ANKRD42: variants seen among roughly 807,000 people sequenced by gnomAD.
ANKRD42 encodes the protein ankyrin repeat domain-containing protein 42.
Under a neutral mutation model 51.5 loss-of-function variants are expected in ANKRD42, and 43 were observed. The observed-to-expected ratio is 0.83, with a 90% CI of 0.65 to 1.08. ANKRD42 has a LOEUF of 1.08. Among genes scored for constraint, ANKRD42 ranks in the 50% least tolerant of loss-of-function variants. The pLI, the probability that ANKRD42 is intolerant of heterozygous loss-of-function variation, is 0.00. For synonymous variants in ANKRD42, 203 were observed against 213.0 expected (o/e 0.95, Z 0.41); for missense variants, 608 against 629.3 (o/e 0.97, Z 0.36).
chr11:83,208,870 T>C (rs1411380644), intron 3 of ANKRD42, among the ~76,000 whole-genome samples: 1 of 152,114 alleles, frequency 6.6e-6, no homozygotes, highest in East Asian at 1.9e-4. Context: ...AGTCTCTAAC[T>C]CCTGGGCTCG....
At chr11:83,217,268 A>G (rs1036326417) in intron 5 of ANKRD42, among the ~76,000 whole-genome samples, 2 of 152,206 alleles carry the variant, frequency 1.3e-5, no homozygotes, top group Non-Finnish European at 2.9e-5. Flanking sequence ...TTAAATGTCT[A>G]ACAATATCTG....
At chr11:83,226,602 C>T (rs1277797922) in intron 6 of ANKRD42, among the ~76,000 whole-genome samples, 1 of 152,262 alleles carries the variant, frequency 6.6e-6, no homozygotes, top group South Asian at 2.1e-4. Flanking sequence ...GTAATCAAGG[C>T]AGTGTGTAGT....
At chr11:83,223,023 GGT>G (rs1319136561) in intron 5 of ANKRD42, among the ~76,000 whole-genome samples, 2 of 152,176 alleles carry the variant, frequency 1.3e-5, no homozygotes, top group East Asian at 3.9e-4. Context: ...GCCAAGGGCG[GGT>G]GCATTGCTTG....
At chr11:83,216,363 G>T (rs933727128) in intron 5 of ANKRD42, among the ~76,000 whole-genome samples, 2 of 147,484 alleles carry the variant, frequency 1.4e-5, no homozygotes, top group Non-Finnish European at 1.5e-5. Context: ...TCTCGCTGTC[G>T]CCCAGGCTGG....
intron 3 of ANKRD42, among the ~76,000 whole-genome samples, chr11:83,207,044 C>T (rs1862103657): frequency 6.6e-6 from 1 of 152,192 alleles, no homozygotes; most frequent in African/African-American, 2.4e-5. Context: ...CACAGTTCCA[C>T]ATGGCTGGGA....
chr11:83,242,734 G>A (rs1161491439), intron 9 of ANKRD42, among the ~76,000 whole-genome samples: 1 of 151,684 alleles, frequency 6.6e-6, no homozygotes. Context: ...GCCAGCTAAT[G>A]TTTGAATTTT....
In ANKRD42 at chr11:83,196,638, T is replaced by G. The variant is rs560154421; in HGVS notation, c.59-1841T>G. Among the ~76,000 whole-genome samples, 3 of 152,354 alleles carry G rather than the reference T, an allele frequency of 2.0e-5. No homozygotes were observed. The South Asian group carries it at 6.2e-4, about 32-fold the overall frequency. On this transcript the variant is annotated intron_variant, in intron 1 of 10. Transcript: ENST00000533342. ...TTCCTATGAATATTTCCATCGTTGC[T>G]TTTACCACATTATTTTGTATTTTGT...
intron 5 of ANKRD42, among the ~76,000 whole-genome samples, chr11:83,220,361 A>G (rs1031673886): frequency 2.6e-5 from 4 of 152,048 alleles, no homozygotes; most frequent in Non-Finnish European, 4.4e-5. Flanking sequence ...AATTCTAAGG[A>G]AGGACAGGAC....
intron 7 of ANKRD42, among the ~76,000 whole-genome samples, chr11:83,234,702 T>C (rs1436076154): frequency 1.3e-5 from 2 of 152,210 alleles, no homozygotes; most frequent in Non-Finnish European, 2.9e-5. Context: ...TTTTGACTCT[T>C]AATGACAGAA....
chr11:83,250,572 A>G (rs1000736718), downstream of ANKRD42, among the ~76,000 whole-genome samples: 17 of 152,190 alleles, frequency 1.1e-4, no homozygotes, highest in Admixed American at 7.9e-4. Context: ...GGAAATGACT[A>G]TCAAATCCAT....
chr11:83,213,055 T>G, intron 5 of ANKRD42: 1 of 1,600,128 alleles, frequency 6.2e-7, no homozygotes, highest in Non-Finnish European at 8.5e-7. Flanking sequence ...AAAAGAGAAC[T>G]AAGAAGTTCT....
chr11:83,243,717 A>G (rs1290663311), intron 9 of ANKRD42, among the ~76,000 whole-genome samples: 1 of 152,126 alleles, frequency 6.6e-6, no homozygotes, highest in Non-Finnish European at 1.5e-5. Context: ...GCTGGAGTGC[A>G]GTGGCGCAAT....
chr11:83,242,658 T>G (rs1863429782), intron 9 of ANKRD42, among the ~76,000 whole-genome samples: 1 of 149,414 alleles, frequency 6.7e-6, no homozygotes, highest in South Asian at 2.2e-4. Flanking sequence ...CTCCGCCTCC[T>G]GGGTTCAGGC....
intron 1 of ANKRD42, among the ~76,000 whole-genome samples, chr11:83,195,749 C>T (rs1442024062): frequency 6.6e-6 from 1 of 151,656 alleles, no homozygotes; most frequent in South Asian, 2.1e-4. Context: ...TTGAATCTTT[C>T]TCCTTTTCTT....
chr11:83,198,094 A>T (rs1360519329), intron 1 of ANKRD42, among the ~76,000 whole-genome samples: 1 of 152,080 alleles, frequency 6.6e-6, no homozygotes, highest in East Asian at 1.9e-4. Flanking sequence ...GCTAGTATGT[A>T]CTCAACCTCT....
chr11:83,221,995 A>G (rs1355156423), intron 5 of ANKRD42, among the ~76,000 whole-genome samples: 1 of 152,078 alleles, frequency 6.6e-6, no homozygotes, highest in Non-Finnish European at 1.5e-5. Flanking sequence ...CTTTGATTTC[A>G]CTTTTTCCAG....
chr11:83,220,132 G>T (rs1454585200), intron 5 of ANKRD42, among the ~76,000 whole-genome samples: 1 of 152,178 alleles, frequency 6.6e-6, no homozygotes, highest in East Asian at 1.9e-4. Flanking sequence ...AGGATATCTG[G>T]GAGACTAAGA....
At chr11:83,207,896 C>T (rs1862138725) in intron 3 of ANKRD42, among the ~76,000 whole-genome samples, 1 of 152,136 alleles carries the variant, frequency 6.6e-6, no homozygotes, top group South Asian at 2.1e-4. Flanking sequence ...AAGAACCACG[C>T]TTGGATAGAC....
intron 8 of ANKRD42, 129 bp downstream of exon 8, chr11:83,236,638 A>C: frequency 1.6e-6 from 1 of 632,596 alleles, no homozygotes; most frequent in Non-Finnish European, 2.6e-6. Context: ...ATGGAATGAC[A>C]ATTTTCAAGC....
Sources: gnomAD v4.1 joint callset for allele counts (sites outside exome capture counted in the v4.1 genomes callset) on GRCh38, gnomAD v4.1.1 for gene constraint, MANE v1.5 for transcripts, NCBI Gene and HGNC (gene_info 2026-07-23, HGNC 2026-07-21) for gene names.